Variants in MIB1 observed in about 807,000 individuals in gnomAD.
MIB1 encodes MIB E3 ubiquitin protein ligase 1.
MIB1 carries 278 observed loss-of-function variants against 124.5 expected under a neutral mutation model. The ratio of observed to expected loss-of-function variants is 2.23; its 90% CI spans 2.02 to 2.47. MIB1 has a LOEUF of 2.47. Among genes scored for constraint, MIB1 ranks in the 30% most tolerant of loss-of-function variants. MIB1 has a pLI of 0.00. For missense variants in MIB1, 957 were observed against 1,254.4 expected (o/e 0.76, Z 3.58); for synonymous variants, 446 against 429.4 (o/e 1.04, Z -0.48).
chr18:21,722,806 A>G (rs2040721436), intron 1 of MIB1, among the ~76,000 whole-genome samples: 1 of 152,170 alleles, frequency 6.6e-6, no homozygotes. Context: ...GATACCTCAA[A>G]GGTAAAATGC....
At chr18:21,863,686 C>A (rs1364673433) in intron 20 of MIB1, among the ~76,000 whole-genome samples, 1 of 151,892 alleles carries the variant, frequency 6.6e-6, no homozygotes, top group Non-Finnish European at 1.5e-5. Flanking sequence ...AGGCAACAAT[C>A]GATTGGTAAA....
chr18:21,720,561 T>C (rs2040710024), intron 1 of MIB1, among the ~76,000 whole-genome samples: 1 of 151,964 alleles, frequency 6.6e-6, no homozygotes, highest in Non-Finnish European at 1.5e-5. Context: ...TAACTCATGA[T>C]TGGATCCTGA....
chr18:21,808,146 G>A (rs982047725), intron 10 of MIB1, among the ~76,000 whole-genome samples: 5 of 152,194 alleles, frequency 3.3e-5, no homozygotes, highest in African/African-American at 1.2e-4. Flanking sequence ...TTAAAAATCT[G>A]ATTTTATTAA....
At chr18:21,771,103 A>G (rs2041219890) in intron 3 of MIB1, among the ~76,000 whole-genome samples, 1 of 152,156 alleles carries the variant, frequency 6.6e-6, no homozygotes, top group African/African-American at 2.4e-5. Flanking sequence ...AACAGGTGCA[A>G]ATTTTGTCAG....
intron 6 of MIB1, among the ~76,000 whole-genome samples, chr18:21,786,958 G>C (rs1285238181): frequency 6.6e-6 from 1 of 150,698 alleles, no homozygotes; most frequent in East Asian, 1.9e-4. Context: ...ACTTTGCTTT[G>C]TCCATTGGCT....
intron 20 of MIB1, among the ~76,000 whole-genome samples, chr18:21,863,195 GC>G (rs2042291548): frequency 6.6e-6 from 1 of 152,204 alleles, no homozygotes; most frequent in South Asian, 2.1e-4. Context: ...CGACTCCAAA[GC>G]CCCTGAGGGC....
At position 21,713,255 on chromosome 18, in the gene MIB1, C is replaced by T. The variant is rs573640635; in HGVS notation, n.167+8132C>T. ...AAGTGCTGGGATTACAACCCTGAGC[C>T]ACCAAGCCCATCTGGAATAAATTAA... On this transcript the variant is annotated intron_variant and non_coding_transcript_variant, in intron 1 of 20. Transcript: ENST00000578646. Among the ~76,000 whole-genome samples the T allele has an allele frequency of 2.7e-5, 4 of 145,684 alleles. No individual in the cohort carries two copies. The East Asian group carries it at 8.0e-4, about 29-fold the overall frequency.
chr18:21,859,913 G>GAAAAAAAAAAAAAAAAAAAAAAAA (rs1347677474), intron 20 of MIB1, among the ~76,000 whole-genome samples: 2 of 137,610 alleles, frequency 1.5e-5, no homozygotes, highest in South Asian at 2.3e-4. Context: ...AAAAAAAAAG[G>GAAAAAAAAAAAAAAAAAAAAAAAA]AAAAATGTGT....
rs190107464 is a variant in MIB1 at position 21,762,262 on chromosome 18, A to G, written c.230-3510A>G. 1.2e-3 allele frequency among the ~76,000 whole-genome samples: 190 copies of G among 152,350 alleles called. 4 individuals are homozygous for G. The highest frequency in any genetic ancestry group is 0.012 in the Admixed American group (185 of 15,308). ...ATCAAAAACTTTGACCCTGCCTTCA[A>G]TGTTTTAAAAAGGCACATTCAAAGA... On this transcript the variant is annotated intron_variant, in intron 1 of 20. Transcript: ENST00000261537.
intron 12 of MIB1, 35 bp from the exon 13 acceptor site, chr18:21,838,330 T>G: frequency 6.8e-7 from 1 of 1,473,764 alleles, no homozygotes. Context: ...TATCAAATTA[T>G]GCAAATATAG....
intron 6 of MIB1, among the ~76,000 whole-genome samples, chr18:21,784,695 CAGAAG>C (rs1422142059): frequency 1.3e-5 from 2 of 152,110 alleles, no homozygotes; most frequent in East Asian, 1.9e-4. Flanking sequence ...GAGAAGTGAC[CAGAAG>C]AGAAGAGTGT....
intron 15 of MIB1, among the ~76,000 whole-genome samples, chr18:21,845,555 G>A (rs188725329): frequency 4.0e-4 from 61 of 152,256 alleles, no homozygotes; most frequent in African/African-American, 1.4e-3. Flanking sequence ...GTGACATATG[G>A]ATCCAGGTTT....
At chr18:21,821,239 A>G (rs1055855192) in intron 12 of MIB1, among the ~76,000 whole-genome samples, 3 of 152,204 alleles carry the variant, frequency 2.0e-5, no homozygotes, top group Admixed American at 6.5e-5. Flanking sequence ...TTCTGAAAGC[A>G]TAGGTCTAAA....
At chr18:21,760,200 AT>A in intron 1 of MIB1, among the ~76,000 whole-genome samples, 1 of 152,360 alleles carries the variant, frequency 6.6e-6, no homozygotes, top group African/African-American at 2.4e-5. Flanking sequence ...TGAAATAAAA[AT>A]TTTAAGGAAA....
intron 20 of MIB1, among the ~76,000 whole-genome samples, chr18:21,864,225 C>T (rs1290849007): frequency 6.6e-6 from 1 of 152,108 alleles, no homozygotes; most frequent in Non-Finnish European, 1.5e-5. Context: ...ATTCTCGCGC[C>T]TCAGCCTCTT....
chr18:21,799,756 T>G, intron 8 of MIB1, 85 bp from the exon 9 acceptor site: 5 of 1,264,446 alleles, frequency 4.0e-6, no homozygotes, highest in Non-Finnish European at 5.4e-6. Context: ...AGGAAAAGAT[T>G]ATAGAAATAT....
At chr18:21,839,842 T>G (rs1448403866) in intron 13 of MIB1, among the ~76,000 whole-genome samples, 1 of 152,232 alleles carries the variant, frequency 6.6e-6, no homozygotes, top group East Asian at 1.9e-4. Context: ...GGAGTTTGAT[T>G]GCTCTTGCAC....
intron 20 of MIB1, among the ~76,000 whole-genome samples, chr18:21,861,689 T>C (rs1301306430): frequency 6.6e-6 from 1 of 150,762 alleles, no homozygotes; most frequent in Non-Finnish European, 1.5e-5. Flanking sequence ...AACATTCGAA[T>C]AACTCTGCTC....
chr18:21,719,888 AG>A (rs1185722745), intron 1 of MIB1, among the ~76,000 whole-genome samples: 2 of 152,198 alleles, frequency 1.3e-5, no homozygotes, highest in African/African-American at 4.8e-5. Flanking sequence ...CATTGATAAA[AG>A]TTTCAAAGTA....
Sources: allele counts gnomAD v4.1 joint callset (sites outside exome capture counted in the v4.1 genomes callset), GRCh38; gene constraint gnomAD v4.1.1; transcripts MANE v1.5; gene names NCBI Gene and HGNC (gene_info 2026-07-23, HGNC 2026-07-21).